Variants in PCDHGB2 observed in about 807,000 individuals in gnomAD.
PCDHGB2 encodes protocadherin gamma-B2.
PCDHGB2 carries 55 observed loss-of-function variants against 59.3 expected under a neutral mutation model. That is an observed-to-expected ratio of 0.93 (90% CI 0.75 to 1.16). PCDHGB2 has a LOEUF of 1.16. PCDHGB2 is among the 50% of genes most tolerant of loss of function. The pLI, the probability that PCDHGB2 is intolerant of heterozygous loss-of-function variation, is 0.00. For missense variants in PCDHGB2, 1,228 were observed against 1,198.5 expected, an observed-to-expected ratio of 1.02 and a Z score of -0.36; for synonymous variants, 516 against 512.0, an observed-to-expected ratio of 1.01 and a Z score of -0.11.
At position 141,511,436 on chromosome 5, in the gene PCDHGB2, T is replaced by C. The variant is rs1371734719; in HGVS notation, c.*263T>C. The C allele has an allele frequency of 1.5e-5, 11 of 718,486 alleles. No individual in the cohort carries two copies. The highest frequency in any genetic ancestry group is 2.2e-5 in the Non-Finnish European group (10 of 461,474). The allele number at this position is 718,486 out of a possible 1,614,324, so 44.5% of individuals were successfully genotyped here. The stretch of plus-strand genomic sequence containing the variant: ...ACCCATGGGGGTAGTGGGGTTACTG[T>C]AGACACCAAGAACCATTTGCCACAC... On this transcript the variant is annotated 3_prime_UTR_variant, in exon 4 of 4. Coordinates refer to ENST00000522605, the MANE Select transcript of PCDHGB2 (RefSeq NM_018923.3).
rs374042624 is a variant in PCDHGB2, at chr5:141,394,490, G to A, written c.2421+31934G>A. The A allele has an allele frequency of 3.7e-6, 6 of 1,614,058 alleles. No individual in the cohort carries two copies. In the Admixed American group the frequency reaches 5.0e-5, roughly 13 times the overall value. ...TCGTGCTGGACCAGAATGACAACGCGCCCGAGATCCTGTACCCCGCCCTCC... is the reference window on the plus strand; with the variant it reads ...TCGTGCTGGACCAGAATGACAACGCACCCGAGATCCTGTACCCCGCCCTCC... On this transcript the variant is annotated intron_variant, in intron 1 of 3. Transcript: ENST00000522605.
Position 141,432,670 on chromosome 5 carries a change from G to A in PCDHGB2, c.2422-62137G>A, listed in dbSNP as rs749221752. ...CGCGAGCCCTGCTGGACAGAGACGC[G>A]CTCAAGCAGAGCCTCGTAGTGGCCG... On this transcript the variant is annotated intron_variant, in intron 1 of 3. Coordinates refer to ENST00000522605, the MANE Select transcript of PCDHGB2 (RefSeq NM_018923.3). The surrounding 1 kb of genome is among the most constrained non-coding windows in gnomAD (Gnocchi z 6.0). The A allele has an allele frequency of 6.8e-6, 11 of 1,613,748 alleles. No individual in the cohort carries two copies. The East Asian group carries it at 1.8e-4, about 26-fold the overall frequency.
intron 1 of PCDHGB2, chr5:141,421,470 A>T: frequency 2.5e-6 from 4 of 1,614,130 alleles, no homozygotes; most frequent in Non-Finnish European, 3.4e-6. Context: ...TGAATCCGCG[A>T]AGCGGCAGCT....
At chr5:141,365,653 A>G in intron 1 of PCDHGB2, 4 of 1,613,620 alleles carry the variant, frequency 2.5e-6, no homozygotes, top group Non-Finnish European at 3.4e-6. Context: ...TCCCCTTGAA[A>G]GTAGCAGACG....
rs375310818 is a variant in PCDHGB2 at position 141,376,558 on chromosome 5, C to A, written c.2421+14002C>A. On this transcript the variant is annotated intron_variant, in intron 1 of 3. Transcript: ENST00000522605. Reference sequence around the variant, plus strand: ...AAGAGTAATCTGATCTTCCCGCAACCCAACTAATCAGACAGGCTCATCAGC... The same window carrying A: ...AAGAGTAATCTGATCTTCCCGCAACACAACTAATCAGACAGGCTCATCAGC... The A allele has an allele frequency of 6.2e-6, 10 of 1,609,858 alleles. No individual in the cohort carries two copies. In the African/African-American group the frequency reaches 1.3e-4, roughly 22 times the overall value.
chr5:141,487,921 A>G lies in PCDHGB2; in HGVS notation c.2422-6886A>G, dbSNP rs17097340. On this transcript the variant is annotated intron_variant, in intron 1 of 3. Coordinates refer to ENST00000522605, the MANE Select transcript of PCDHGB2 (RefSeq NM_018923.3). This position sits in a 1 kb window ranked among gnomAD's most constrained non-coding sequence, Gnocchi z 5.0. ...GGAATGTGGGAGCACAGGAGGCTAC[A>G]GTGCACAGGGTACAGTGCACCAGGC... 0.15 allele frequency: 93,556 copies of G among 639,124 alleles called. 7,160 individuals carry two copies. The highest frequency in any genetic ancestry group is 0.21 in the African/African-American group (11,270 of 54,532). 39.6% of individuals were successfully genotyped at this position (639,124 alleles called of 1,614,324 possible).
At chr5:141,381,475 GA>G (rs1777221405) in intron 1 of PCDHGB2, among the ~76,000 whole-genome samples, 1 of 152,226 alleles carries the variant, frequency 6.6e-6, no homozygotes, top group African/African-American at 2.4e-5. Context: ...GCTGTCTAGA[GA>G]TCCCTGTTTT....
chr5:141,437,741 CTTT>C (rs35124340), intron 1 of PCDHGB2, among the ~76,000 whole-genome samples: 1 of 141,708 alleles, frequency 7.1e-6, no homozygotes. Context: ...TTGAGTTCAC[CTTT>C]TTTTTTTTTT....
At chr5:141,450,957 T>G (rs2154563418) in intron 1 of PCDHGB2, among the ~76,000 whole-genome samples, 1 of 152,010 alleles carries the variant, frequency 6.6e-6, no homozygotes, top group Non-Finnish European at 1.5e-5. Context: ...CCCAAGTAGC[T>G]GGGATTACAG....
chr5:141,383,504 G>A lies in PCDHGB2; in HGVS notation c.2421+20948G>A, dbSNP rs373658496. On this transcript the variant is annotated intron_variant, in intron 1 of 3. Coordinates refer to ENST00000522605, the MANE Select transcript of PCDHGB2 (RefSeq NM_018923.3). Reference sequence around the variant, plus strand: ...CTGGTGCTGGAGCGGGTGCTGGACCGGGAGGAAGAGCGGGTTCACCACCTG... The same window carrying A: ...CTGGTGCTGGAGCGGGTGCTGGACCAGGAGGAAGAGCGGGTTCACCACCTG... 1.3e-5 allele frequency: 21 copies of A among 1,612,648 alleles called. No homozygotes were observed. In the Admixed American group the frequency reaches 2.8e-4, roughly 22 times the overall value.
At chr5:141,376,042 T>G (rs768343920) in intron 1 of PCDHGB2, 34 of 1,613,010 alleles carry the variant, frequency 2.1e-5, no homozygotes, top group Middle Eastern at 1.7e-4. Flanking sequence ...GCCAGCCCCC[T>G]CTCTCCGCCA....
chr5:141,394,204 A>G (rs749979763), intron 1 of PCDHGB2: 4 of 1,613,914 alleles, frequency 2.5e-6, no homozygotes, highest in Non-Finnish European at 3.4e-6. Context: ...ATCCTAGAGA[A>G]CAACCTGAGA....
At chr5:141,409,148 A>C (rs2154541051) in intron 1 of PCDHGB2, 1 of 1,614,056 alleles carries the variant, frequency 6.2e-7, no homozygotes. Context: ...AGAAAGGTAC[A>C]CCATGGAAGT....
chr5:141,419,551 C>T lies in PCDHGB2; in HGVS notation c.2421+56995C>T, dbSNP rs772468979. Reference sequence around the variant, plus strand: ...ACGACAACGCACCGCGGGTGCTGTACCCTGCGCTGGGTCCCGACGGCTCCG... The same window carrying T: ...ACGACAACGCACCGCGGGTGCTGTATCCTGCGCTGGGTCCCGACGGCTCCG... On this transcript the variant is annotated intron_variant, in intron 1 of 3. Transcript: ENST00000522605. 7 of 1,611,916 alleles carry T rather than the reference C, an allele frequency of 4.3e-6. No individual in the cohort carries two copies. The Admixed American group carries it at 1.2e-4, about 27-fold the overall frequency.
intron 1 of PCDHGB2, chr5:141,389,441 C>T: frequency 6.2e-7 from 1 of 1,610,584 alleles, no homozygotes; most frequent in South Asian, 1.1e-5. Context: ...GCGCCTTCGA[C>T]CACGAGCAGC....
Position 141,450,006 on chromosome 5 carries a change from C to CTATTTTTT in PCDHGB2, c.2422-44800_2422-44799insATTTTTTT, listed in dbSNP as rs70988802. Among the ~76,000 whole-genome samples the CTATTTTTT allele has an allele frequency of 4.4e-4, 58 of 132,942 alleles. 2 individuals carry two copies. The highest frequency in any genetic ancestry group is 8.4e-4 in the African/African-American group (30 of 35,608). The allele number at this position is 132,942 out of a possible 152,430, so 87.2% of individuals were successfully genotyped here. A position where few individuals can be genotyped will look rare whatever the true frequency, so the allele number is the denominator to read the frequency against. ...CACATTGCATTTAGTTGCCATGTCT[C>CTATTTTTT]TTTTTTTTTTTTTTTTTTGAGACAG... On this transcript the variant is annotated intron_variant, in intron 1 of 3. Coordinates refer to ENST00000522605, the MANE Select transcript of PCDHGB2 (RefSeq NM_018923.3).
At chr5:141,470,323 A>G (rs1029928511) in intron 1 of PCDHGB2, among the ~76,000 whole-genome samples, 1 of 152,188 alleles carries the variant, frequency 6.6e-6, no homozygotes, top group Non-Finnish European at 1.5e-5. Context: ...AAATGATCCC[A>G]TAATTTGACC....
At chr5:141,453,909 T>C (rs1484310834) in intron 1 of PCDHGB2, among the ~76,000 whole-genome samples, 1 of 152,236 alleles carries the variant, frequency 6.6e-6, no homozygotes, top group Non-Finnish European at 1.5e-5. Flanking sequence ...TTTCAAAGTA[T>C]GTCAGTGATC....
At chr5:141,464,870 C>G (rs1488189681) in intron 1 of PCDHGB2, among the ~76,000 whole-genome samples, 1 of 152,126 alleles carries the variant, frequency 6.6e-6, no homozygotes, top group Non-Finnish European at 1.5e-5. Flanking sequence ...TCCCAAGTAG[C>G]TAGGACTACA....
Sources: allele counts gnomAD v4.1 joint callset (sites outside exome capture counted in the v4.1 genomes callset), GRCh38; gene constraint gnomAD v4.1.1; non-coding constraint Gnocchi (gnomAD v3.1); transcripts MANE v1.5; gene names NCBI Gene and HGNC (gene_info 2026-07-23, HGNC 2026-07-21).